Variants in CDK14 observed in about 807,000 individuals in gnomAD.
CDK14 encodes cyclin dependent kinase 14.
In CDK14, 34 loss-of-function variants were observed where a neutral mutation model predicts 60.7. The ratio of observed to expected loss-of-function variants is 0.56; its 90% CI spans 0.43 to 0.75. The LOEUF (loss-of-function observed/expected upper bound fraction) is 0.75. Ranked by LOEUF, CDK14 falls within the 30% of genes least tolerant of loss-of-function variation. The pLI is 0.00. For missense variants in CDK14, 482 were observed against 564.1 expected (o/e 0.85, Z 1.47); for synonymous variants, 197 against 203.7 (o/e 0.97, Z 0.28).
intron 5 of CDK14, among the ~76,000 whole-genome samples, chr7:90,848,278 T>TC (rs1413156187): frequency 2.6e-5 from 4 of 152,058 alleles, no homozygotes; most frequent in Non-Finnish European, 5.9e-5. Context: ...AGTTTTTTAG[T>TC]AGAGGTGAGG....
chr7:90,864,177 C>T (rs1376921685), intron 6 of CDK14, among the ~76,000 whole-genome samples: 2 of 150,534 alleles, frequency 1.3e-5, no homozygotes, highest in African/African-American at 2.4e-5. Context: ...TTGCTTATGT[C>T]TGCCTGTGTC....
At position 91,149,373 on chromosome 7, in the gene CDK14, A is replaced by T. The variant is rs145609181; in HGVS notation, c.*28+31165A>T. 2.0e-4 allele frequency among the ~76,000 whole-genome samples: 30 copies of T among 151,830 alleles called. 1 individual carries two copies. In the East Asian group the frequency reaches 4.6e-3, roughly 24 times the overall value. On this transcript the variant is annotated intron_variant, in intron 14 of 14. Transcript: ENST00000380050. Reference sequence around the variant, plus strand: ...ACTTTCCTTCTCTTCCCTTTGTGCCACCTTACTTGAGTACCCCATCCTCCC... The same window carrying T: ...ACTTTCCTTCTCTTCCCTTTGTGCCTCCTTACTTGAGTACCCCATCCTCCC...
intron 4 of CDK14, among the ~76,000 whole-genome samples, chr7:90,757,619 C>A (rs1252739955): frequency 4.7e-5 from 7 of 148,742 alleles, no homozygotes; most frequent in Non-Finnish European, 8.9e-5. Context: ...TTGTTTGAGA[C>A]AGGGTCTCAC....
intron 8 of CDK14, among the ~76,000 whole-genome samples, chr7:90,921,087 GATAAA>G: frequency 6.6e-6 from 1 of 152,132 alleles, no homozygotes; most frequent in East Asian, 1.9e-4. Flanking sequence ...ATAATAAAAT[GATAAA>G]ATTATATGGA....
intron 2 of CDK14, chr7:90,710,596 T>C: frequency 2.1e-6 from 2 of 949,192 alleles, no homozygotes; most frequent in Non-Finnish European, 2.5e-6. Context: ...ATTACACCTG[T>C]AGTGGTTATG....
chr7:90,718,131 T>G (rs1180589984), intron 2 of CDK14, among the ~76,000 whole-genome samples: 1 of 152,098 alleles, frequency 6.6e-6, no homozygotes, highest in Non-Finnish European at 1.5e-5. Flanking sequence ...CACAGAACCA[T>G]GGTTGCCAGA....
intron 1 of CDK14, among the ~76,000 whole-genome samples, chr7:90,601,950 GTA>G (rs1413872944): frequency 6.6e-6 from 1 of 151,672 alleles, no homozygotes; most frequent in Non-Finnish European, 1.5e-5. Flanking sequence ...ATGTATGTAT[GTA>G]TGTATGTATG....
intron 10 of CDK14, among the ~76,000 whole-genome samples, chr7:91,008,875 G>A (rs1352676029): frequency 1.3e-5 from 2 of 152,036 alleles, no homozygotes; most frequent in Non-Finnish European, 2.9e-5. Context: ...TTGACATACT[G>A]TAAATTGCAT....
chr7:90,794,396 C>T (rs769878349), intron 5 of CDK14, among the ~76,000 whole-genome samples: 24 of 152,228 alleles, frequency 1.6e-4, no homozygotes, highest in African/African-American at 3.6e-4. Context: ...AATAAGCCTG[C>T]GAGCTCTATG....
At chr7:91,111,402 C>A (rs945682577) in intron 12 of CDK14, among the ~76,000 whole-genome samples, 1 of 152,208 alleles carries the variant, frequency 6.6e-6, no homozygotes. Flanking sequence ...CTGGAAGGTG[C>A]AGCTCTCCCT....
intron 5 of CDK14, among the ~76,000 whole-genome samples, chr7:90,844,759 A>G (rs1472100235): frequency 3.9e-5 from 6 of 152,172 alleles, no homozygotes; most frequent in African/African-American, 1.4e-4. Context: ...CTCATATTAG[A>G]AAGTTTTTGG....
intron 2 of CDK14, among the ~76,000 whole-genome samples, chr7:90,612,603 C>T (rs1044100677): frequency 6.6e-6 from 1 of 151,860 alleles, no homozygotes; most frequent in Non-Finnish European, 1.5e-5. Context: ...GAAACCCTGT[C>T]TCTACCAAAA....
At chr7:91,091,471 A>C (rs1218395732) in intron 12 of CDK14, among the ~76,000 whole-genome samples, 1 of 130,672 alleles carries the variant, frequency 7.7e-6, no homozygotes, top group Non-Finnish European at 1.6e-5. Context: ...TATAATATAT[A>C]TACATATATG....
chr7:91,133,464 C>A (rs1584107578), intron 14 of CDK14, among the ~76,000 whole-genome samples: 1 of 151,908 alleles, frequency 6.6e-6, no homozygotes, highest in African/African-American at 2.4e-5. Flanking sequence ...CAGAGTAGAC[C>A]ATTTAAATAT....
At chr7:90,611,200 C>T (rs997646564) in intron 2 of CDK14, among the ~76,000 whole-genome samples, 1 of 152,138 alleles carries the variant, frequency 6.6e-6, no homozygotes, top group Non-Finnish European at 1.5e-5. Context: ...AGGCTCTGAA[C>T]ATGCTTAAGT....
intron 4 of CDK14, among the ~76,000 whole-genome samples, chr7:90,783,434 G>T (rs557137463): frequency 6.6e-6 from 1 of 152,116 alleles, no homozygotes; most frequent in Non-Finnish European, 1.5e-5. Context: ...TTTTCTTTTA[G>T]TAGTAAGCGT....
At chr7:91,029,987 C>T (rs1395253553) in intron 10 of CDK14, among the ~76,000 whole-genome samples, 1 of 152,126 alleles carries the variant, frequency 6.6e-6, no homozygotes, top group Non-Finnish European at 1.5e-5. Context: ...GGCCTTGTGG[C>T]CCCAGAGAGT....
At chr7:91,150,279 A>C (rs1800794326) in intron 14 of CDK14, among the ~76,000 whole-genome samples, 1 of 152,214 alleles carries the variant, frequency 6.6e-6, no homozygotes, top group Admixed American at 6.5e-5. Context: ...TTCGTGTTTA[A>C]AATATGTCTT....
At chr7:90,882,007 C>A (rs141045738) in intron 6 of CDK14, among the ~76,000 whole-genome samples, 1 of 152,056 alleles carries the variant, frequency 6.6e-6, no homozygotes, top group Non-Finnish European at 1.5e-5. Flanking sequence ...AGACCAATGA[C>A]ACTACGAAGA....
Sources: allele counts gnomAD v4.1 joint callset (sites outside exome capture counted in the v4.1 genomes callset), GRCh38; gene constraint gnomAD v4.1.1; transcripts MANE v1.5; gene names NCBI Gene and HGNC (gene_info 2026-07-23, HGNC 2026-07-21).